Variants in CYP2C18 observed in about 807,000 individuals in gnomAD.
The protein encoded by CYP2C18 is cytochrome P450 2C18.
A neutral mutation model predicts 41.3 loss-of-function variants in CYP2C18; 38 were observed. That is an observed-to-expected ratio of 0.92 (90% CI 0.71 to 1.21). The LOEUF (loss-of-function observed/expected upper bound fraction) is 1.21, where lower values mean the gene tolerates loss of function less well. Ranked by LOEUF, CYP2C18 falls within the 50% of genes most tolerant of loss-of-function variation. The pLI, the probability that CYP2C18 is intolerant of heterozygous loss-of-function variation, is 0.00. For synonymous variants in CYP2C18, 236 were observed against 210.0 expected (o/e 1.12, Z -1.07); for missense variants, 635 against 591.4 (o/e 1.07, Z -0.77).
chr10:94,700,337 A>G (rs1282422671), intron 4 of CYP2C18, among the ~76,000 whole-genome samples: 2 of 152,186 alleles, frequency 1.3e-5, no homozygotes, highest in Non-Finnish European at 2.9e-5. Flanking sequence ...ATCTACAACC[A>G]TCTGATCTTT....
intron 6 of CYP2C18, among the ~76,000 whole-genome samples, chr10:94,721,532 T>A (rs1847644651): frequency 6.6e-6 from 1 of 151,876 alleles, no homozygotes; most frequent in African/African-American, 2.4e-5. Context: ...AGTGGTGAAG[T>A]CTGGGCTTTC....
intron 8 of CYP2C18, among the ~76,000 whole-genome samples, chr10:94,734,798 GT>G (rs2134213360): frequency 6.6e-6 from 1 of 152,260 alleles, no homozygotes; most frequent in South Asian, 2.1e-4. Context: ...GTTGTTTAAA[GT>G]TGTAAAATGA....
At chr10:94,691,105 A>C (rs890587537) in intron 3 of CYP2C18, among the ~76,000 whole-genome samples, 2 of 152,214 alleles carry the variant, frequency 1.3e-5, no homozygotes, top group Admixed American at 6.5e-5. Flanking sequence ...CCCTTTGAAA[A>C]CTGGCACAAG....
intron 5 of CYP2C18, among the ~76,000 whole-genome samples, chr10:94,711,923 C>T (rs1847441893): frequency 2.0e-5 from 3 of 151,246 alleles, no homozygotes; most frequent in African/African-American, 7.3e-5. Flanking sequence ...CTCACTGCAG[C>T]CTTGAACTCC....
At chr10:94,720,323 T>G in intron 5 of CYP2C18, 73 bp from the exon 6 acceptor site, 1 of 1,333,442 alleles carries the variant, frequency 7.5e-7, no homozygotes, top group Non-Finnish European at 1.0e-6. Context: ...AACAACCTGA[T>G]ATATTTTGGA....
intron 4 of CYP2C18, among the ~76,000 whole-genome samples, chr10:94,699,315 C>T (rs968107806): frequency 2.0e-5 from 3 of 152,186 alleles, no homozygotes; most frequent in African/African-American, 7.2e-5. Flanking sequence ...GGATGCAAGG[C>T]TGGTTCAACA....
intron 8 of CYP2C18, among the ~76,000 whole-genome samples, chr10:94,734,323 C>A (rs1418909029): frequency 6.6e-6 from 1 of 152,036 alleles, no homozygotes; most frequent in Non-Finnish European, 1.5e-5. Flanking sequence ...TTCATTTTTT[C>A]CTCTGGCTTT....
intron 7 of CYP2C18, among the ~76,000 whole-genome samples, chr10:94,728,020 T>C (rs1589807008): frequency 6.6e-6 from 1 of 152,194 alleles, no homozygotes; most frequent in African/African-American, 2.4e-5. Context: ...TTCCCAGTTA[T>C]ACTAAAATAT....
intron 5 of CYP2C18, among the ~76,000 whole-genome samples, chr10:94,713,879 G>A (rs1287696356): frequency 6.6e-6 from 1 of 152,170 alleles, no homozygotes; most frequent in Non-Finnish European, 1.5e-5. Flanking sequence ...ATTCTAACTG[G>A]TGTGAGATGG....
intron 5 of CYP2C18, among the ~76,000 whole-genome samples, chr10:94,707,920 A>C (rs370357139): frequency 4.6e-5 from 7 of 152,084 alleles, no homozygotes; most frequent in Admixed American, 1.3e-4. Flanking sequence ...TGGTAGGGTC[A>C]ATATGGAAAC....
chr10:94,717,314 T>C (rs990219932), intron 5 of CYP2C18, among the ~76,000 whole-genome samples: 1 of 152,226 alleles, frequency 6.6e-6, no homozygotes, highest in Non-Finnish European at 1.5e-5. Flanking sequence ...TTGCAGTGGC[T>C]GGTAGCGGTT....
intron 3 of CYP2C18, among the ~76,000 whole-genome samples, chr10:94,691,088 A>G (rs527596485): frequency 5.3e-5 from 8 of 152,304 alleles, no homozygotes; most frequent in African/African-American, 1.9e-4. Context: ...CAAAAACTGG[A>G]AGCATTCCCT....
chr10:94,694,438 T>C (rs535701040), intron 3 of CYP2C18, among the ~76,000 whole-genome samples: 2 of 152,202 alleles, frequency 1.3e-5, no homozygotes, highest in African/African-American at 4.8e-5. Flanking sequence ...TTTCTGTCTT[T>C]AGTCTCCCCC....
chr10:94,725,109 A>G (rs916217946), intron 7 of CYP2C18, among the ~76,000 whole-genome samples: 3 of 148,268 alleles, frequency 2.0e-5, no homozygotes, highest in African/African-American at 7.3e-5. Flanking sequence ...ATAAATATAT[A>G]TAATATTAAA....
At chr10:94,724,767 T>TG (rs996565116) in intron 7 of CYP2C18, among the ~76,000 whole-genome samples, 4 of 62,546 alleles carry the variant, frequency 6.4e-5, no homozygotes, top group African/African-American at 1.9e-4. Context: ...TATTTTTTTT[T>TG]TGTGGCTATT....
At chr10:94,692,494 T>C (rs1462197404) in intron 3 of CYP2C18, among the ~76,000 whole-genome samples, 1 of 152,080 alleles carries the variant, frequency 6.6e-6, no homozygotes, top group Non-Finnish European at 1.5e-5. Context: ...CCAGTTAGAA[T>C]GGCGATCATT....
chr10:94,701,995 T>TA (rs566454665), intron 4 of CYP2C18, among the ~76,000 whole-genome samples: 391 of 149,646 alleles, frequency 2.6e-3, no homozygotes, highest in African/African-American at 5.1e-3. Flanking sequence ...ATGTCACTGG[T>TA]AAAAAAAAAA....
chr10:94,715,811 C>T (rs1847531031), intron 5 of CYP2C18, among the ~76,000 whole-genome samples: 1 of 146,446 alleles, frequency 6.8e-6, no homozygotes, highest in Non-Finnish European at 1.5e-5. Context: ...CCATCTGGTC[C>T]TGGACTTTTT....
At chr10:94,700,644 G>T (rs1847220252) in intron 4 of CYP2C18, among the ~76,000 whole-genome samples, 1 of 152,172 alleles carries the variant, frequency 6.6e-6, no homozygotes, top group Non-Finnish European at 1.5e-5. Flanking sequence ...AAACTAAAGA[G>T]CTTCTGCACA....
Sources: gnomAD v4.1 joint callset for allele counts (sites outside exome capture counted in the v4.1 genomes callset) on GRCh38, gnomAD v4.1.1 for gene constraint, MANE v1.5 for transcripts, NCBI Gene and HGNC (gene_info 2026-07-23, HGNC 2026-07-21) for gene names.